PPFIA1: variants seen among roughly 807,000 people sequenced by gnomAD.
The protein encoded by PPFIA1 is PPFI scaffold protein A1.
In PPFIA1, 25 loss-of-function variants were observed where a neutral mutation model predicts 149.9. The observed-to-expected ratio is 0.17, with a 90% confidence interval of 0.12 to 0.23. PPFIA1 has a LOEUF of 0.23. PPFIA1 is among the 10% of genes least tolerant of loss of function. The probability of loss-of-function intolerance (pLI) is 1.00; values close to 1 mark genes in which losing one functional copy is unlikely to be tolerated. For synonymous variants in PPFIA1, 549 were observed against 552.8 expected (o/e 0.99, Z 0.10); for missense variants, 1,362 against 1,506.5 (o/e 0.90, Z 1.59).
At chr11:70,378,866 A>G (rs764221825) in intron 26 of PPFIA1, among the ~76,000 whole-genome samples, 15 of 152,200 alleles carry the variant, frequency 9.9e-5, no homozygotes, top group Admixed American at 9.2e-4. Flanking sequence ...ACAGTTGACC[A>G]TGGCTTCCTT....
intron 2 of PPFIA1, among the ~76,000 whole-genome samples, chr11:70,283,369 C>T (rs1660239692): frequency 6.6e-6 from 1 of 152,140 alleles, no homozygotes; most frequent in Non-Finnish European, 1.5e-5. Flanking sequence ...CCTTTCATTG[C>T]AGGTGAGGTC....
rs755422213 is a variant in PPFIA1 at position 70,338,357 on chromosome 11, C to A, written c.1492-17C>A. 1.3e-6 allele frequency: 2 copies of A among 1,592,384 alleles called. No individual in the cohort carries two copies. The highest frequency in any genetic ancestry group is 1.7e-6 in the Non-Finnish European group (2 of 1,161,000). ...TAAAAGAGATAGCAGTAATGTAAGTCTTTTGCTTTTCTGTAGGATCAGCTT... is the reference window on the plus strand; with the variant it reads ...TAAAAGAGATAGCAGTAATGTAAGTATTTTGCTTTTCTGTAGGATCAGCTT... On this transcript the variant is annotated splice_polypyrimidine_tract_variant and intron_variant, in intron 12 of 27. Transcript: ENST00000253925.
At chr11:70,333,350 A>G (rs1377474003) in intron 9 of PPFIA1, 120 bp from the exon 10 acceptor site, 7 of 764,310 alleles carry the variant, frequency 9.2e-6, no homozygotes, top group Non-Finnish European at 1.6e-5. Flanking sequence ...CATGCTTTCC[A>G]TTTAGTATGG....
Position 70,362,344 on chromosome 11 carries a change from C to T in PPFIA1, c.2721C>T (p.Ser907=), listed in dbSNP as rs199727700. The change falls in exon 21 of 28, where the codon AGC becomes AGT. Residue 907 remains serine, a synonymous_variant. Transcript: ENST00000253925. ...CTGCCTGCCGAGCAAACGTGAAAAG[C>T]GGGGCCATCATGTCGGCCCTGTCCG... ...YVAACRANVK[S]GAIMSALSDT... The T allele has an allele frequency of 3.1e-6, 5 of 1,614,192 alleles. No homozygotes were observed. Among genetic ancestry groups the T allele is most frequent in the East Asian group, 2.2e-5 (1 of 44,878 alleles).
chr11:70,373,522 C>T (rs2057362247), intron 23 of PPFIA1: 1 of 152,154 alleles, frequency 6.6e-6, no homozygotes, highest in Non-Finnish European at 1.5e-5. Flanking sequence ...AGCCACCACA[C>T]CCAGTCAGAA....
intron 10 of PPFIA1, among the ~76,000 whole-genome samples, 189 bp downstream of exon 10, chr11:70,333,742 T>A (rs655130): frequency 6.6e-6 from 1 of 152,160 alleles, no homozygotes; most frequent in African/African-American, 2.4e-5. Flanking sequence ...ACACAGTAGT[T>A]GTTTTCAGTC....
chr11:70,300,841 C>G (rs2052443542), intron 2 of PPFIA1, among the ~76,000 whole-genome samples: 1 of 152,142 alleles, frequency 6.6e-6, no homozygotes, highest in South Asian at 2.1e-4. Flanking sequence ...CCTACTCCAA[C>G]TTTTAAAATG....
intron 2 of PPFIA1, among the ~76,000 whole-genome samples, chr11:70,299,670 G>T (rs1198954152): frequency 6.6e-6 from 1 of 152,258 alleles, no homozygotes; most frequent in African/African-American, 2.4e-5. Context: ...TCCCTTCCAA[G>T]TCAGCATTGC....
rs1157236878 is a variant in PPFIA1 at position 70,356,946 on chromosome 11, G to GAAC, written c.2582+694_2582+696dup. On this transcript the variant is annotated intron_variant, in intron 19 of 27. Coordinates refer to ENST00000253925, the MANE Select transcript of PPFIA1 (RefSeq NM_003626.5). Reference sequence around the variant, plus strand: ...ATTTGGGATGGCTTTGAACAAAGGAGAACAGGCATTGTGATGCCCCAGGGT... The same window carrying GAAC: ...ATTTGGGATGGCTTTGAACAAAGGAGAACAACAGGCATTGTGATGCCCCAGGGT... Among the ~76,000 whole-genome samples, 15 of 152,318 alleles carry GAAC rather than the reference G, an allele frequency of 9.8e-5. No homozygotes were observed. The South Asian group carries it at 1.2e-3, about 13-fold the overall frequency.
intron 2 of PPFIA1, 66 bp from the exon 3 acceptor site, chr11:70,324,336 C>G: frequency 8.2e-7 from 1 of 1,225,752 alleles, no homozygotes; most frequent in African/African-American, 1.5e-5. Flanking sequence ...GACTGTGGAG[C>G]CTTGATGAAA....
In PPFIA1 at chr11:70,326,377, C is replaced by G; in HGVS notation, c.708+14C>G. On this transcript the variant is annotated intron_variant, in intron 6 of 27. Transcript: ENST00000253925. ...ACGAGTGGAAAGGCAAGTCTGTAGG[C>G]TTTGTCTTTATTCTGTTTGATTTCA... is the stretch of plus-strand genomic sequence containing the variant. 1.3e-6 allele frequency: 2 copies of G among 1,554,126 alleles called. No homozygotes were observed. The highest frequency in any genetic ancestry group is 1.8e-6 in the Non-Finnish European group (2 of 1,131,838).
intron 2 of PPFIA1, chr11:70,278,806 A>T: frequency 2.8e-6 from 1 of 354,902 alleles, no homozygotes; most frequent in South Asian, 3.0e-5. Flanking sequence ...AATTACAGAA[A>T]GGCAGAATTG....
At chr11:70,377,738 T>C (rs1369557991) in intron 25 of PPFIA1, among the ~76,000 whole-genome samples, 1 of 152,202 alleles carries the variant, frequency 6.6e-6, no homozygotes, top group Admixed American at 6.5e-5. Context: ...AAGAAAGTGA[T>C]TCCTGCAAGG....
At chr11:70,360,104 G>A (rs1348502235) in intron 19 of PPFIA1, among the ~76,000 whole-genome samples, 1 of 152,202 alleles carries the variant, frequency 6.6e-6, no homozygotes, top group Non-Finnish European at 1.5e-5. Flanking sequence ...ACCCAGATGG[G>A]GTCTCCTCTG....
At chr11:70,348,605 C>T (rs1260328675) in intron 16 of PPFIA1, among the ~76,000 whole-genome samples, 185 bp downstream of exon 16, 6 of 152,210 alleles carry the variant, frequency 3.9e-5, no homozygotes, top group African/African-American at 1.2e-4. Context: ...TGGGGCCGGG[C>T]GTGGTGGCTC....
intron 11 of PPFIA1, among the ~76,000 whole-genome samples, chr11:70,336,843 G>T (rs1398757505): frequency 6.6e-6 from 1 of 152,214 alleles, no homozygotes. Context: ...TGGTTGTTAG[G>T]ATTGGGGTCT....
rs527330587 is a variant in PPFIA1 at position 70,301,680 on chromosome 11, C to T, written c.265-22722C>T. ...ATTAATAGGGGTACTTGTTCTTAAG[C>T]TTATATGTCTATTTAGTAAGCTTAA... On this transcript the variant is annotated intron_variant, in intron 2 of 27. Transcript: ENST00000253925. Among the ~76,000 whole-genome samples the T allele has an allele frequency of 5.3e-5, 8 of 152,180 alleles. No individual in the cohort carries two copies. The South Asian group carries it at 1.2e-3, about 24-fold the overall frequency.
chr11:70,365,895 A>G (rs990328947), intron 21 of PPFIA1: 3 of 455,744 alleles, frequency 6.6e-6, no homozygotes, highest in Admixed American at 2.4e-5. Flanking sequence ...GAGCTCACCA[A>G]TACTAATAGT....
At chr11:70,278,031 C>T (rs1474092432) in intron 2 of PPFIA1, among the ~76,000 whole-genome samples, 4 of 152,046 alleles carry the variant, frequency 2.6e-5, no homozygotes, top group South Asian at 2.1e-4. Flanking sequence ...CTGCCTCAGC[C>T]GCCCGAGTAG....
Sources: allele counts gnomAD v4.1 joint callset (sites outside exome capture counted in the v4.1 genomes callset), GRCh38; gene constraint gnomAD v4.1.1; transcripts MANE v1.5; gene names NCBI Gene and HGNC (gene_info 2026-07-23, HGNC 2026-07-21).